STIMATE: variants seen among roughly 807,000 people sequenced by gnomAD.
STIMATE encodes store-operated calcium entry regulator STIMATE.
Under a neutral mutation model 36.7 loss-of-function variants are expected in STIMATE, and 15 were observed. That is an observed-to-expected ratio of 0.41 (90% CI 0.27 to 0.63). The LOEUF (loss-of-function observed/expected upper bound fraction) is 0.63. Ranked by LOEUF, STIMATE falls within the 20% of genes least tolerant of loss-of-function variation. The pLI, the probability that STIMATE is intolerant of heterozygous loss-of-function variation, is 0.32. For synonymous variants in STIMATE, 163 were observed against 162.3 expected (o/e 1.00, Z -0.03); for missense variants, 305 against 397.3 (o/e 0.77, Z 1.98).
intron 1 of STIMATE, among the ~76,000 whole-genome samples, chr3:52,890,914 A>G (rs11714793): frequency 0.097 from 14,742 of 152,214 alleles, 816 homozygotes; most frequent in Non-Finnish European, 0.13. Flanking sequence ...GCTAGACCTC[A>G]GCCTTGGGGT....
intron 1 of STIMATE, among the ~76,000 whole-genome samples, chr3:52,887,774 TC>T (rs1701713470): frequency 6.6e-6 from 1 of 152,124 alleles, no homozygotes; most frequent in African/African-American, 2.4e-5. Flanking sequence ...AATGGCTGCA[TC>T]CAGGATAAGG....
chr3:52,869,733 T>C (rs545673119), intron 1 of STIMATE, among the ~76,000 whole-genome samples: 1 of 152,302 alleles, frequency 6.6e-6, no homozygotes, highest in East Asian at 1.9e-4. Flanking sequence ...ACTACTAAAC[T>C]GAACAAACAG....
Position 52,844,861 on chromosome 3 carries a change from AGAC to A in STIMATE, c.505_507del (p.Val169del). ...CACTGAAGTATTAGGAGGACGATGA[AGAC>A]GACAGACTTTTCAAAAATCATGATC... is the stretch of plus-strand genomic sequence containing the variant. On this transcript the variant is annotated inframe_deletion, in exon 5 of 8. Transcript: ENST00000355083. The A allele has an allele frequency of 1.2e-6, 2 of 1,614,174 alleles. No homozygotes were observed. Among genetic ancestry groups the A allele is most frequent in the Non-Finnish European group, 1.7e-6 (2 of 1,180,022 alleles).
chr3:52,882,075 A>G (rs1285080468), intron 1 of STIMATE, among the ~76,000 whole-genome samples: 1 of 152,252 alleles, frequency 6.6e-6, no homozygotes, highest in African/African-American at 2.4e-5. Context: ...CCAATCTGTC[A>G]GCCAGGGCTG....
chr3:52,880,846 C>T (rs1247789534), intron 1 of STIMATE, among the ~76,000 whole-genome samples: 1 of 152,198 alleles, frequency 6.6e-6, no homozygotes, highest in Admixed American at 6.5e-5. Context: ...CATCTTTGTT[C>T]ACCAATCCAT....
At chr3:52,896,852 G>A (rs1401250245) in intron 1 of STIMATE, among the ~76,000 whole-genome samples, 1 of 152,214 alleles carries the variant, frequency 6.6e-6, no homozygotes, top group Non-Finnish European at 1.5e-5. Flanking sequence ...TGTGAACGGA[G>A]AAGGCAGATC....
In STIMATE at chr3:52,839,352, G is replaced by A. The variant is rs1700758272; in HGVS notation, c.*1142C>T. ...GGAGGCTCCTGGCGCTGAGTCCAGAGGCTGGCTCTGAAGGCTGCAGCAGTG... is the reference window on the plus strand; with the variant it reads ...GGAGGCTCCTGGCGCTGAGTCCAGAAGCTGGCTCTGAAGGCTGCAGCAGTG... On this transcript the variant is annotated 3_prime_UTR_variant, in exon 8 of 8. Transcript: ENST00000355083. 6.6e-6 allele frequency: 1 copy of A among 152,436 alleles called. No individual in the cohort carries two copies. Among genetic ancestry groups the A allele is most frequent in the Non-Finnish European group, 1.5e-5 (1 of 68,206 alleles). 9.4% of individuals were successfully genotyped at this position (152,436 alleles called of 1,614,324 possible).
chr3:52,844,406 C>T (rs1158788886), intron 5 of STIMATE, among the ~76,000 whole-genome samples: 1 of 152,202 alleles, frequency 6.6e-6, no homozygotes, highest in Non-Finnish European at 1.5e-5. Context: ...GTTGGGGAGC[C>T]CGTGGGCTGG....
At chr3:52,846,163 C>G (rs1700895990) in intron 4 of STIMATE, among the ~76,000 whole-genome samples, 1 of 152,212 alleles carries the variant, frequency 6.6e-6, no homozygotes. Flanking sequence ...ATTCCCTTTT[C>G]TGGAAAACCC....
In STIMATE at chr3:52,893,383, A is replaced by G. The variant is rs538902059; in HGVS notation, c.160+3908T>C. 2.0e-5 allele frequency among the ~76,000 whole-genome samples: 3 copies of G among 152,182 alleles called. No individual in the cohort carries two copies. In the South Asian group the frequency reaches 6.2e-4, roughly 32 times the overall value. ...CAAATGGCTCAGCCAAAAAAAAAAA[A>G]GCATAAAGAGGTAAAGCAAATGTGA... On this transcript the variant is annotated intron_variant, in intron 1 of 7. Coordinates refer to ENST00000355083, the MANE Select transcript of STIMATE (RefSeq NM_198563.5).
At chr3:52,853,637 G>A (rs1255468569) in intron 2 of STIMATE, among the ~76,000 whole-genome samples, 1 of 77,896 alleles carries the variant, frequency 1.3e-5, no homozygotes, top group African/African-American at 3.6e-5. Flanking sequence ...AGACTCAAGA[G>A]AGCCCCAAAG....
chr3:52,894,791 A>C (rs970724040), intron 1 of STIMATE, among the ~76,000 whole-genome samples: 1 of 152,222 alleles, frequency 6.6e-6, no homozygotes, highest in Non-Finnish European at 1.5e-5. Flanking sequence ...TCCAGAAGAC[A>C]GGCAGTGAGC....
At chr3:52,843,877 G>A in intron 5 of STIMATE, 79 bp from the exon 6 acceptor site, 2 of 1,582,100 alleles carry the variant, frequency 1.3e-6, no homozygotes, top group African/African-American at 1.4e-5. Context: ...GTACCCATAG[G>A]CCCTGAGGGA....
intron 2 of STIMATE, among the ~76,000 whole-genome samples, chr3:52,855,137 T>C (rs1389968715): frequency 6.6e-6 from 1 of 152,204 alleles, no homozygotes; most frequent in Non-Finnish European, 1.5e-5. Flanking sequence ...TGTATTTGTG[T>C]ATCTTCCATC....
rs755954032 is a variant in STIMATE at position 52,842,844 on chromosome 3, C to T, written c.735G>A (p.Arg245=). 6.2e-7 allele frequency: 1 copy of T among 1,614,244 alleles called. No homozygotes were observed. Among genetic ancestry groups the T allele is most frequent in the South Asian group, 1.1e-5 (1 of 91,090 alleles). ...DSRNGSKVRY[R]RAASHEESES... is the part of the protein sequence containing the mutation. ...CAGACTCCTCGTGGGATGCGGCCCT[C>T]CGGTAGCGGACCTTGCTCCCATTCC... Residue 245 remains arginine (R), a synonymous_variant, in exon 7 of 8, where the codon CGG becomes CGA. Transcript: ENST00000355083.
chr3:52,868,134 A>G (rs1701342006), intron 1 of STIMATE, among the ~76,000 whole-genome samples: 1 of 151,910 alleles, frequency 6.6e-6, no homozygotes, highest in Non-Finnish European at 1.5e-5. Context: ...CCCCACTCAA[A>G]CCTCCTCAAT....
intron 1 of STIMATE, among the ~76,000 whole-genome samples, chr3:52,868,045 G>A (rs1233759716): frequency 5.3e-5 from 8 of 152,166 alleles, no homozygotes; most frequent in African/African-American, 1.9e-4. Context: ...ATCTGCTGGA[G>A]GGAACCAGCA....
chr3:52,864,049 C>G (rs1486998393), intron 1 of STIMATE, among the ~76,000 whole-genome samples: 1 of 152,228 alleles, frequency 6.6e-6, no homozygotes, highest in Non-Finnish European at 1.5e-5. Flanking sequence ...ATCTACCATT[C>G]TGGGGTCTAG....
intron 1 of STIMATE, 40 bp downstream of exon 1, chr3:52,897,251 C>G: frequency 2.0e-6 from 3 of 1,525,414 alleles, no homozygotes; most frequent in Non-Finnish European, 2.6e-6. Context: ...CCGCGGCTGC[C>G]GCGCAGGGCC....
Sources: gnomAD v4.1 joint callset for allele counts (sites outside exome capture counted in the v4.1 genomes callset) on GRCh38, gnomAD v4.1.1 for gene constraint, MANE v1.5 for transcripts, NCBI Gene and HGNC (gene_info 2026-07-23, HGNC 2026-07-21) for gene names.